Variants in PLCH1 observed in about 807,000 individuals in gnomAD.
PLCH1 encodes the protein phospholipase C eta 1.
Under a neutral mutation model 126.7 loss-of-function variants are expected in PLCH1, and 60 were observed. The observed-to-expected ratio is 0.47, with a 90% CI of 0.38 to 0.59. The LOEUF (loss-of-function observed/expected upper bound fraction) is 0.59, where lower values mean the gene tolerates loss of function less well. PLCH1 is among the 20% of genes least tolerant of loss of function. The probability of loss-of-function intolerance (pLI) is 0.00; values close to 1 mark genes in which losing one functional copy is unlikely to be tolerated. For missense variants in PLCH1, 1,723 were observed against 2,040.0 expected, an observed-to-expected ratio of 0.84 and a Z score of 2.99; for synonymous variants, 719 against 734.9, an observed-to-expected ratio of 0.98 and a Z score of 0.35.
intron 10 of PLCH1, among the ~76,000 whole-genome samples, chr3:155,537,178 T>A (rs1247202853): frequency 3.1e-5 from 3 of 96,972 alleles, no homozygotes; most frequent in Non-Finnish European, 1.9e-5. Flanking sequence ...ACTACCAAGC[T>A]AGCACTACAA....
chr3:155,674,575 T>TC (rs1743899582), intron 2 of PLCH1, among the ~76,000 whole-genome samples: 1 of 152,176 alleles, frequency 6.6e-6, no homozygotes. Flanking sequence ...AGATGGCTAG[T>TC]CAGTAATGAA....
At chr3:155,473,856 G>A (rs1576770308) in intron 21 of PLCH1, among the ~76,000 whole-genome samples, 2 of 151,652 alleles carry the variant, frequency 1.3e-5, no homozygotes, top group Admixed American at 6.5e-5. Flanking sequence ...ATGGTGCTGG[G>A]AAAACTGGCT....
At chr3:155,576,702 A>C (rs1334990518) in intron 6 of PLCH1, among the ~76,000 whole-genome samples, 1 of 152,160 alleles carries the variant, frequency 6.6e-6, no homozygotes, top group Non-Finnish European at 1.5e-5. Flanking sequence ...AATTGCCTCA[A>C]ATTTGTGCCA....
Position 155,583,451 on chromosome 3 carries a change from AT to A in PLCH1, c.771+20del. ...CATGAGTACTTTTAAGTAAACTTTC[AT>A]TTTAACAGTCTAATGATACCTTTTG... On this transcript the variant is annotated intron_variant, in intron 6 of 22. Transcript: ENST00000460012. 6.4e-7 allele frequency: 1 copy of A among 1,554,318 alleles called. No individual in the cohort carries two copies. The highest frequency in any genetic ancestry group is 8.7e-7 in the Non-Finnish European group (1 of 1,151,030).
chr3:155,732,258 T>A lies in PLCH1; in HGVS notation c.-41+12582A>T, dbSNP rs114833959. Among the ~76,000 whole-genome samples, 696 of 152,026 alleles carry A rather than the reference T, an allele frequency of 4.6e-3. 4 individuals carry two copies. Among genetic ancestry groups the A allele is most frequent in the African/African-American group, 0.015 (642 of 41,480 alleles). ...CAAATTCTGGAGCTGAAGGATGCAA[T>A]GAACCAAATTTAAAAATGCAAGTGT... is the stretch of plus-strand genomic sequence containing the variant. On this transcript the variant is annotated intron_variant, in intron 1 of 22. Transcript: ENST00000460012.
intron 22 of PLCH1, 151 bp from the exon 23 acceptor site, chr3:155,483,202 G>GTGTC: frequency 1.1e-6 from 1 of 912,350 alleles, no homozygotes; most frequent in East Asian, 2.4e-5. Flanking sequence ...TTGCAACAAA[G>GTGTC]TGTCTGTGTG....
chr3:155,469,626 C>A (rs1713090789), intron 21 of PLCH1, among the ~76,000 whole-genome samples: 1 of 151,792 alleles, frequency 6.6e-6, no homozygotes, highest in Non-Finnish European at 1.5e-5. Flanking sequence ...GGGGGCAGGG[C>A]ACAGACAAAC....
rs148802841 is a variant in PLCH1 at position 155,598,971 on chromosome 3, A to ATCTC, written c.80-2597_80-2594dup. 2.7e-5 allele frequency among the ~76,000 whole-genome samples: 4 copies of ATCTC among 146,166 alleles called. No homozygotes were observed. In the Admixed American group the frequency reaches 2.7e-4, roughly 10 times the overall value. The stretch of plus-strand genomic sequence containing the variant: ...GAGGTCATGCAAGTGGGGCCCCATG[A>ATCTC]TCTCTCTCTCTCTCTCTCTTTCCCT... On this transcript the variant is annotated intron_variant, in intron 2 of 22. Coordinates refer to ENST00000460012, the MANE Select transcript of PLCH1 (RefSeq NM_014996.4).
chr3:155,532,043 A>G (rs1013106898), intron 10 of PLCH1, among the ~76,000 whole-genome samples: 2 of 152,238 alleles, frequency 1.3e-5, no homozygotes, highest in Non-Finnish European at 2.9e-5. Context: ...CAAAATGGCT[A>G]ACTCTTGGGC....
intron 16 of PLCH1, 34 bp downstream of exon 16, chr3:155,494,304 T>G: frequency 6.2e-7 from 1 of 1,612,662 alleles, no homozygotes; most frequent in Non-Finnish European, 8.5e-7. Flanking sequence ...AGTGAGAATA[T>G]ACAGAGAACC....
intron 2 of PLCH1, among the ~76,000 whole-genome samples, chr3:155,666,574 C>T (rs961748610): frequency 2.0e-5 from 3 of 152,158 alleles, no homozygotes; most frequent in Non-Finnish European, 2.9e-5. Context: ...CAAATAATCA[C>T]ATGTTAATTC....
At chr3:155,625,992 G>C (rs1052873983) in intron 2 of PLCH1, among the ~76,000 whole-genome samples, 3 of 152,152 alleles carry the variant, frequency 2.0e-5, no homozygotes, top group Non-Finnish European at 4.4e-5. Context: ...GCCCATCAGT[G>C]ATAGACTGGA....
intron 1 of PLCH1, among the ~76,000 whole-genome samples, chr3:155,743,995 G>C (rs1462978674): frequency 1.3e-5 from 2 of 150,972 alleles, no homozygotes; most frequent in Non-Finnish European, 3.0e-5. Context: ...AACAAGGGAA[G>C]GGAAAAGTTG....
intron 2 of PLCH1, among the ~76,000 whole-genome samples, chr3:155,644,692 T>G (rs1376689468): frequency 6.6e-6 from 1 of 152,228 alleles, no homozygotes; most frequent in Non-Finnish European, 1.5e-5. Context: ...AGGAGAAGGA[T>G]AAGAATTTCC....
At chr3:155,531,338 G>A (rs541335814) in intron 10 of PLCH1, among the ~76,000 whole-genome samples, 1 of 152,290 alleles carries the variant, frequency 6.6e-6, no homozygotes, top group Admixed American at 6.5e-5. Context: ...AAAATCTGTT[G>A]TTTAGGCTGG....
intron 2 of PLCH1, among the ~76,000 whole-genome samples, chr3:155,616,374 A>T (rs1735802081): frequency 6.6e-6 from 1 of 152,224 alleles, no homozygotes; most frequent in Non-Finnish European, 1.5e-5. Flanking sequence ...TGTGAGCAAG[A>T]CGACTAAAAT....
intron 4 of PLCH1, among the ~76,000 whole-genome samples, chr3:155,591,498 A>C (rs1323342219): frequency 6.6e-6 from 1 of 152,246 alleles, no homozygotes; most frequent in Non-Finnish European, 1.5e-5. Context: ...GAAGCAGATA[A>C]GAGAACCCAT....
chr3:155,538,945 C>A (rs372538369), intron 10 of PLCH1, among the ~76,000 whole-genome samples: 13 of 146,632 alleles, frequency 8.9e-5, no homozygotes, highest in African/African-American at 7.7e-5. Flanking sequence ...AAGGACATAA[C>A]AAAAAAAAAA....
intron 2 of PLCH1, among the ~76,000 whole-genome samples, chr3:155,613,352 C>A (rs1350563828): frequency 6.6e-6 from 1 of 150,998 alleles, no homozygotes; most frequent in African/African-American, 2.4e-5. Flanking sequence ...ACACCAACAA[C>A]AAAAAAAAAC....
Sources: gnomAD v4.1 joint callset for allele counts (sites outside exome capture counted in the v4.1 genomes callset) on GRCh38, gnomAD v4.1.1 for gene constraint, MANE v1.5 for transcripts, NCBI Gene and HGNC (gene_info 2026-07-23, HGNC 2026-07-21) for gene names.